The following CPNE2 variants were observed in gnomAD, a reference collection of about 807,000 sequenced individuals.
CPNE2 encodes the protein copine 2, also known as copine-2.
In CPNE2, 42 loss-of-function variants were observed where a neutral mutation model predicts 69.7. The ratio of observed to expected loss-of-function variants is 0.60; its 90% CI spans 0.47 to 0.78. The LOEUF is 0.78. CPNE2 is among the 30% of genes least tolerant of loss of function. The pLI is 0.00. For synonymous variants in CPNE2, 294 were observed against 289.8 expected (o/e 1.01, Z -0.15); for missense variants, 587 against 732.0 (o/e 0.80, Z 2.29).
intron 1 of CPNE2, among the ~76,000 whole-genome samples, chr16:57,100,034 A>G (rs192361147): frequency 2.0e-5 from 3 of 152,004 alleles, no homozygotes; most frequent in African/African-American, 7.3e-5. Flanking sequence ...CGGCCTCTCA[A>G]AGTGCTGGGA....
chr16:57,132,851 ACCTCTGGGG>A (rs1400258644), intron 12 of CPNE2, among the ~76,000 whole-genome samples: 4 of 151,794 alleles, frequency 2.6e-5, no homozygotes, highest in African/African-American at 7.3e-5. Context: ...GGAGGAGACA[ACCTCTGGGG>A]CCTCTGGGGC....
At chr16:57,115,669 C>G in intron 4 of CPNE2, 119 bp downstream of exon 4, 2 of 660,178 alleles carry the variant, frequency 3.0e-6, no homozygotes, top group South Asian at 2.1e-5. Flanking sequence ...AAAGGCCCAA[C>G]TTACAACTTA....
At chr16:57,093,043 G>A (rs1157871864) in intron 1 of CPNE2, among the ~76,000 whole-genome samples, 1 of 152,146 alleles carries the variant, frequency 6.6e-6, no homozygotes, top group Non-Finnish European at 1.5e-5. Flanking sequence ...CCTGGGGAGG[G>A]GGGCGCCCTC....
intron 4 of CPNE2, 24 bp downstream of exon 4, chr16:57,115,574 C>T (rs1236860376): frequency 1.3e-6 from 2 of 1,567,248 alleles, no homozygotes; most frequent in Non-Finnish European, 1.7e-6. Context: ...CCCGGCTCTC[C>T]GCACCCCCTC....
At position 57,109,868 on chromosome 16, in the gene CPNE2, G is replaced by A. The variant is rs139601331; in HGVS notation, c.-35-840G>A. Among the ~76,000 whole-genome samples, 697 of 152,276 alleles carry A rather than the reference G, an allele frequency of 4.6e-3. 3 individuals are homozygous for A. The highest frequency in any genetic ancestry group is 0.012 in the African/African-American group (502 of 41,548). ...TAGGAATGCAGCCCAGTAGGTTTCA[G>A]CCTTATTTTACCCAGTTCCTATTCA... is the stretch of plus-strand genomic sequence containing the variant. On this transcript the variant is annotated intron_variant, in intron 1 of 15. Transcript: ENST00000290776.
chr16:57,125,526 C>T (rs1471794457), intron 10 of CPNE2: 21 of 387,452 alleles, frequency 5.4e-5, no homozygotes, highest in Admixed American at 2.8e-4. Context: ...GCATGCAGAG[C>T]GAAGCTTATG....
chr16:57,137,229 G>A lies in CPNE2; in HGVS notation c.1249G>A (p.Val417Ile), dbSNP rs186013874. ...CGGTCCTACCAATTTCTCCCCCATC[G>A]TCAACCACGTGGCCCGGTTTGCGGC... is the stretch of plus-strand genomic sequence containing the variant. The part of the protein sequence containing the change: ...FYGPTNFSPI[V>I]NHVARFAAQA... Residue 417 changes from valine (V) to isoleucine (I), a missense_variant, in exon 14 of 16, where the codon GTC (valine) becomes ATC (isoleucine). Coordinates refer to ENST00000290776, the MANE Select transcript of CPNE2 (RefSeq NM_152727.6). The A allele has an allele frequency of 6.6e-5, 107 of 1,614,202 alleles. No homozygotes were observed. The highest frequency in any genetic ancestry group is 2.4e-4 in the African/African-American group (18 of 75,054).
intron 11 of CPNE2, among the ~76,000 whole-genome samples, chr16:57,127,033 G>A (rs1465296828): frequency 6.6e-6 from 1 of 152,200 alleles, no homozygotes; most frequent in Non-Finnish European, 1.5e-5. Context: ...TGTCTGTTGA[G>A]TGCACATACA....
At chr16:57,093,376 G>A (rs1351276658) in intron 1 of CPNE2, among the ~76,000 whole-genome samples, 1 of 152,206 alleles carries the variant, frequency 6.6e-6, no homozygotes, top group Admixed American at 6.5e-5. Flanking sequence ...TGGCACCTGT[G>A]TGTTTAAAGG....
chr16:57,104,933 A>G (rs1203038023), intron 1 of CPNE2, among the ~76,000 whole-genome samples: 1 of 152,084 alleles, frequency 6.6e-6, no homozygotes, highest in African/African-American at 2.4e-5. Context: ...AGCGAGGGGG[A>G]GGGTGGCAGG....
intron 1 of CPNE2, among the ~76,000 whole-genome samples, chr16:57,108,265 C>T (rs1197568754): frequency 7.9e-5 from 12 of 152,196 alleles, no homozygotes; most frequent in Non-Finnish European, 1.0e-4. Flanking sequence ...ATGAAAGCCT[C>T]AGTTTCCTCC....
At chr16:57,095,330 G>C (rs758691552) in intron 1 of CPNE2, among the ~76,000 whole-genome samples, 24 of 152,222 alleles carry the variant, frequency 1.6e-4, no homozygotes, top group Non-Finnish European at 2.9e-4. Flanking sequence ...CAGAGCCCAG[G>C]TTAGAGGCGC....
chr16:57,131,001 A>G (rs2069834714), intron 12 of CPNE2, among the ~76,000 whole-genome samples: 1 of 152,142 alleles, frequency 6.6e-6, no homozygotes, highest in Non-Finnish European at 1.5e-5. Context: ...GGTGGCTCAG[A>G]GATGGAGACG....
chr16:57,113,646 G>A (rs1007934909), intron 3 of CPNE2, among the ~76,000 whole-genome samples, 179 bp downstream of exon 3: 3 of 152,264 alleles, frequency 2.0e-5, no homozygotes, highest in Non-Finnish European at 4.4e-5. Context: ...CCCATCTGGA[G>A]AGGCAGCCAA....
intron 10 of CPNE2, chr16:57,124,719 TC>T (rs2069788119): frequency 4.0e-6 from 1 of 248,430 alleles, no homozygotes; most frequent in Non-Finnish European, 8.2e-6. Flanking sequence ...TCTGCCCACC[TC>T]CCCATGTTGT....
chr16:57,117,472 G>T (rs142860468), intron 4 of CPNE2, 24 bp from the exon 5 acceptor site: 1 of 1,608,838 alleles, frequency 6.2e-7, no homozygotes, highest in Admixed American at 1.7e-5. Context: ...AGTCTGAGGA[G>T]CCCCTCATGT....
chr16:57,097,046 C>T (rs1424580339), intron 1 of CPNE2, among the ~76,000 whole-genome samples: 2 of 152,116 alleles, frequency 1.3e-5, no homozygotes, highest in Admixed American at 1.3e-4. Flanking sequence ...CAAAAATATT[C>T]ACTGAGTACC....
chr16:57,112,136 G>T (rs540971510), intron 2 of CPNE2, among the ~76,000 whole-genome samples: 1 of 152,284 alleles, frequency 6.6e-6, no homozygotes, highest in South Asian at 2.1e-4. Context: ...ATGGATGTTG[G>T]CTCCTTCTTG....
intron 12 of CPNE2, chr16:57,129,000 C>A (rs542093865): frequency 6.6e-6 from 1 of 152,420 alleles, no homozygotes; most frequent in Admixed American, 6.5e-5. Flanking sequence ...CAGCTTGGGG[C>A]CATCAGGCTT....
Sources: allele counts gnomAD v4.1 joint callset (sites outside exome capture counted in the v4.1 genomes callset), GRCh38; gene constraint gnomAD v4.1.1; transcripts MANE v1.5; gene names NCBI Gene and HGNC (gene_info 2026-07-23, HGNC 2026-07-21).